Variants in EIF2AK1 observed in about 807,000 individuals in gnomAD.
EIF2AK1 encodes eukaryotic translation initiation factor 2 alpha kinase 1.
A neutral mutation model predicts 77.9 loss-of-function variants in EIF2AK1; 54 were observed. That is an observed-to-expected ratio of 0.69 (90% CI 0.56 to 0.87). The LOEUF (loss-of-function observed/expected upper bound fraction) is 0.87. Ranked by LOEUF, EIF2AK1 falls within the 40% of genes least tolerant of loss-of-function variation. EIF2AK1 has a pLI of 0.00. For missense variants in EIF2AK1, 810 were observed against 768.6 expected (o/e 1.05, Z -0.64); for synonymous variants, 314 against 290.5 (o/e 1.08, Z -0.82).
chr7:6,040,318 G>A (rs1388010931), intron 9 of EIF2AK1, among the ~76,000 whole-genome samples: 1 of 152,026 alleles, frequency 6.6e-6, no homozygotes, highest in Non-Finnish European at 1.5e-5. Flanking sequence ...CTCCCAAACT[G>A]CCGGGATTAC....
rs1335120815 is a variant in EIF2AK1, at chr7:6,027,625, T to G, written c.1531-664A>C. On this transcript the variant is annotated intron_variant, in intron 13 of 14. Transcript: ENST00000199389. This position sits in a 1 kb window ranked among gnomAD's most constrained non-coding sequence, Gnocchi z 4.5. ...AACTTTACAGCATGTTCGTTCTATT[T>G]CAAGGGGAGTCAAGGGGCAGGCTTC... Among the ~76,000 whole-genome samples the G allele has an allele frequency of 6.6e-6, 1 of 151,866 alleles. No individual in the cohort carries two copies. Among genetic ancestry groups the G allele is most frequent in the East Asian group, 1.9e-4 (1 of 5,166 alleles).
rs1245798817 is a variant in EIF2AK1 at position 6,056,550 on chromosome 7, C to T, written c.119-1846G>A. Among the ~76,000 whole-genome samples, 6 of 135,440 alleles carry T rather than the reference C, an allele frequency of 4.4e-5. No homozygotes were observed. In the South Asian group the frequency reaches 7.1e-4, roughly 16 times the overall value. 88.9% of individuals were successfully genotyped at this position (135,440 alleles called of 152,430 possible). A position where few individuals can be genotyped will look rare whatever the true frequency, so the allele number is the denominator to read the frequency against. On this transcript the variant is annotated intron_variant, in intron 1 of 14. Transcript: ENST00000199389. The stretch of plus-strand genomic sequence containing the variant: ...CGGAGGTTGCAGTGAGCCGAGATCG[C>T]GCGACTGCACTCCAGCCTGGGCAAC...
At chr7:6,031,536 A>G (rs1583478705) in intron 11 of EIF2AK1, 4 of 1,550,750 alleles carry the variant, frequency 2.6e-6, no homozygotes, top group Non-Finnish European at 1.7e-6. Flanking sequence ...CACCCTGTCA[A>G]CCAGCCCATC....
chr7:6,042,905 T>C (rs369343711), intron 8 of EIF2AK1, 28 bp downstream of exon 8: 10 of 1,589,668 alleles, frequency 6.3e-6, no homozygotes, highest in Non-Finnish European at 7.7e-6. Context: ...TGACAAGAGG[T>C]AATGTCCTAA....
At chr7:6,058,903 G>C (rs528136953) in intron 1 of EIF2AK1, 63 bp downstream of exon 1, 1 of 1,408,676 alleles carries the variant, frequency 7.1e-7, no homozygotes, top group African/African-American at 1.5e-5. Context: ...GGCTGCCTTT[G>C]CCGCCCAGAA....
At chr7:6,040,656 G>C (rs1178678677) in intron 9 of EIF2AK1, among the ~76,000 whole-genome samples, 1 of 152,134 alleles carries the variant, frequency 6.6e-6, no homozygotes, top group Admixed American at 6.6e-5. Context: ...ACACACTCAA[G>C]ATGATCTGAA....
intron 1 of EIF2AK1, among the ~76,000 whole-genome samples, chr7:6,056,628 A>ATATATG (rs1554324727): frequency 0.043 from 3,222 of 75,762 alleles, 254 homozygotes; most frequent in Middle Eastern, 0.11. Flanking sequence ...ATATATATAT[A>ATATATG]TATATATAAA....
intron 2 of EIF2AK1, among the ~76,000 whole-genome samples, chr7:6,052,849 G>A (rs1230296895): frequency 1.3e-5 from 2 of 151,962 alleles, no homozygotes; most frequent in African/African-American, 4.8e-5. Context: ...GCCTACCCCA[G>A]CTACTCGGGA....
rs1787682022 is a variant in EIF2AK1 at position 6,024,543 on chromosome 7, G to A, written c.*130C>T. 6.7e-7 allele frequency: 1 copy of A among 1,494,836 alleles called. No individual in the cohort carries two copies. Among genetic ancestry groups the A allele is most frequent in the Non-Finnish European group, 8.9e-7 (1 of 1,129,630 alleles). 92.6% of individuals were successfully genotyped at this position (1,494,836 alleles called of 1,614,324 possible). A position where few individuals can be genotyped will look rare whatever the true frequency, so the allele number is the denominator to read the frequency against. On this transcript the variant is annotated 3_prime_UTR_variant, in exon 15 of 15. Coordinates refer to ENST00000199389, the MANE Select transcript of EIF2AK1 (RefSeq NM_014413.4). The stretch of plus-strand genomic sequence containing the variant: ...GCAGGAAGGGAAGGAACGGCAGCTT[G>A]GGGCACTCTGACATCTTTAACAAGT...
Position 6,042,987 on chromosome 7 carries a change from C to G in EIF2AK1, c.737G>C (p.Arg246Thr). ...HVHVIQPRAD[R>T]AAIELPSLEV... The stretch of plus-strand genomic sequence containing the variant: ...CAGAGATGGCAACTCAATGGCAGCT[C>G]TGTCTGCTGAATGAAAACAAACAAC... The change falls in exon 8 of 15, where the codon AGA becomes ACA. Residue 246 changes from arginine (R) to threonine (T), a missense_variant. Physicochemically the swap from Arg to Thr is moderately conservative, Grantham distance 71 (BLOSUM62 -1). Transcript: ENST00000199389. The G allele has an allele frequency of 6.2e-7, 1 of 1,614,146 alleles. No individual in the cohort carries two copies. The highest frequency in any genetic ancestry group is 8.5e-7 in the Non-Finnish European group (1 of 1,179,998).
chr7:6,031,864 T>C (rs1037406452), intron 11 of EIF2AK1, among the ~76,000 whole-genome samples: 4 of 152,198 alleles, frequency 2.6e-5, no homozygotes, highest in Admixed American at 6.5e-5. Context: ...ATGATCTCCA[T>C]GTGGTCAAAT....
intron 11 of EIF2AK1, among the ~76,000 whole-genome samples, chr7:6,030,220 A>G (rs1787867230): frequency 6.6e-6 from 1 of 152,138 alleles, no homozygotes; most frequent in Admixed American, 6.5e-5. Context: ...ATCCAAACTT[A>G]AGCGGGAAAG....
chr7:6,052,080 G>C (rs1211780229), intron 2 of EIF2AK1, among the ~76,000 whole-genome samples: 1 of 149,232 alleles, frequency 6.7e-6, no homozygotes, highest in East Asian at 2.0e-4. Context: ...GCTGAGGCAA[G>C]AGAATCGCTT....
At chr7:6,043,180 C>A (rs1195080139) in intron 7 of EIF2AK1, among the ~76,000 whole-genome samples, 187 bp from the exon 8 acceptor site, 2 of 152,114 alleles carry the variant, frequency 1.3e-5, no homozygotes, top group African/African-American at 2.4e-5. Context: ...CAAAGCCATG[C>A]AACTATACGA....
Position 6,032,951 on chromosome 7 carries a change from C to T in EIF2AK1, c.1333-3919G>A, listed in dbSNP as rs949159604. 6.6e-5 allele frequency: 102 copies of T among 1,541,290 alleles called. No homozygotes were observed. Among genetic ancestry groups the T allele is most frequent in the Non-Finnish European group, 6.4e-5 (73 of 1,139,246 alleles). On this transcript the variant is annotated intron_variant, in intron 11 of 14. Coordinates refer to ENST00000199389, the MANE Select transcript of EIF2AK1 (RefSeq NM_014413.4). This position sits in a 1 kb window ranked among gnomAD's most constrained non-coding sequence, Gnocchi z 4.3. ...CCAGAAGTCAGGTAAGTTAACTCCA[C>T]CGAAAATCATTTCTTTTTTTTTCTT...
Position 6,037,512 on chromosome 7 carries a change from A to G in EIF2AK1, c.1244T>C (p.Met415Thr). 3 of 1,609,848 alleles carry G rather than the reference A, an allele frequency of 1.9e-6. No homozygotes were observed. The highest frequency in any genetic ancestry group is 2.2e-5 in the South Asian group (2 of 90,744). Residue 415 changes from methionine (M) to threonine (T), a missense_variant, in exon 11 of 15, where the codon ATG becomes ACG. Around this residue, in one of 3 missense-constraint regions of EIF2AK1, gnomAD observed 549 missense variants for 533.7 expected, o/e 1.03. Transcript: ENST00000199389. Reference protein sequence around the residue: ...YVDESACPYVMANVATKIFQE... With the variant: ...YVDESACPYVTANVATKIFQE... ...AAAAATTTTTGTTGCAACATTGGCC[A>G]TAACATAAGGACCTTGAAGTAAAAA... is the stretch of plus-strand genomic sequence containing the variant.
Position 6,032,983 on chromosome 7 carries a change from T to C in EIF2AK1, c.1333-3951A>G. 2.7e-6 allele frequency: 4 copies of C among 1,493,306 alleles called. No individual in the cohort carries two copies. The highest frequency in any genetic ancestry group is 3.6e-6 in the Non-Finnish European group (4 of 1,100,788). The allele number at this position is 1,493,306 out of a possible 1,614,324, so 92.5% of individuals were successfully genotyped here. A position where few individuals can be genotyped will look rare whatever the true frequency, so the allele number is the denominator to read the frequency against. On this transcript the variant is annotated intron_variant, in intron 11 of 14. Coordinates refer to ENST00000199389, the MANE Select transcript of EIF2AK1 (RefSeq NM_014413.4). This position sits in a 1 kb window ranked among gnomAD's most constrained non-coding sequence, Gnocchi z 4.3. ...TCATTTCTTTTTTTTTCTTTTTTGT[T>C]TTGAGGCAGGGGTCTCGCTCTGTTG...
intron 6 of EIF2AK1, among the ~76,000 whole-genome samples, chr7:6,045,782 G>A (rs1583492495): frequency 6.8e-6 from 1 of 146,320 alleles, no homozygotes; most frequent in Non-Finnish European, 1.5e-5. Context: ...GCAGATGCCT[G>A]TAATCCCAGC....
intron 6 of EIF2AK1, among the ~76,000 whole-genome samples, chr7:6,045,750 T>TATAA (rs1199094635): frequency 1.3e-5 from 2 of 148,412 alleles, no homozygotes; most frequent in East Asian, 4.1e-4. Context: ...TATATATATA[T>TATAA]ATAAATTAGC....
Sources: gnomAD v4.1 joint callset for allele counts (sites outside exome capture counted in the v4.1 genomes callset) on GRCh38, gnomAD v4.1.1 for gene constraint, gnomAD v4.1.1 regional missense constraint, Gnocchi (gnomAD v3.1) non-coding constraint, MANE v1.5 for transcripts, NCBI Gene and HGNC (gene_info 2026-07-23, HGNC 2026-07-21) for gene names.